The following LRRTM4 variants were observed in gnomAD, a reference collection of about 807,000 sequenced individuals.
LRRTM4 encodes the protein leucine rich repeat transmembrane neuronal 4.
In LRRTM4, 25 loss-of-function variants were observed where a neutral mutation model predicts 47.6. The observed-to-expected ratio is 0.53, with a 90% CI of 0.38 to 0.73. The LOEUF (loss-of-function observed/expected upper bound fraction) is 0.73. Ranked by LOEUF, LRRTM4 falls within the 30% of genes least tolerant of loss-of-function variation. The probability of loss-of-function intolerance (pLI) is 0.00; values close to 1 mark genes in which losing one functional copy is unlikely to be tolerated. For synonymous variants in LRRTM4, 311 were observed against 269.5 expected, an observed-to-expected ratio of 1.15 and a Z score of -1.51; for missense variants, 638 against 713.4, an observed-to-expected ratio of 0.89 and a Z score of 1.20.
At chr2:77,063,939 T>A (rs996086654) in intron 3 of LRRTM4, among the ~76,000 whole-genome samples, 35 of 152,198 alleles carry the variant, frequency 2.3e-4, no homozygotes, top group African/African-American at 8.2e-4. Context: ...GGAAGGAGAC[T>A]AAGGCTATTT....
chr2:77,018,258 G>GTTTTTT (rs1573457355), intron 3 of LRRTM4, among the ~76,000 whole-genome samples: 4 of 48,528 alleles, frequency 8.2e-5, no homozygotes, highest in African/African-American at 4.8e-4. Flanking sequence ...GCTCTTGATT[G>GTTTTTT]CTTTTTTTTT....
intron 3 of LRRTM4, among the ~76,000 whole-genome samples, chr2:77,257,319 A>T (rs1225987467): frequency 1.3e-5 from 2 of 152,090 alleles, no homozygotes; most frequent in Admixed American, 6.6e-5. Context: ...CAAAAAAAAA[A>T]CCCTCTAGAA....
chr2:77,244,068 A>G (rs1206571970), intron 3 of LRRTM4, among the ~76,000 whole-genome samples: 7 of 130,392 alleles, frequency 5.4e-5, no homozygotes, highest in Non-Finnish European at 9.6e-5. Flanking sequence ...ATGATTTCCA[A>G]TTTCATCCAT....
intron 3 of LRRTM4, among the ~76,000 whole-genome samples, chr2:76,975,320 A>C (rs1268198916): frequency 2.0e-5 from 3 of 151,840 alleles, no homozygotes; most frequent in African/African-American, 7.2e-5. Flanking sequence ...AGAAGGATTC[A>C]GCTTCACTTG....
At chr2:76,749,853 AC>A (rs1672786914) in intron 3 of LRRTM4, among the ~76,000 whole-genome samples, 2 of 152,222 alleles carry the variant, frequency 1.3e-5, no homozygotes, top group Admixed American at 1.3e-4. Flanking sequence ...CTTGCGAGTT[AC>A]AATTTGACAC....
chr2:77,388,619 T>A (rs1258757511), intron 3 of LRRTM4, among the ~76,000 whole-genome samples: 1 of 152,138 alleles, frequency 6.6e-6, no homozygotes, highest in African/African-American at 2.4e-5. Context: ...ATGTATCAAA[T>A]CATTCATAGT....
intron 3 of LRRTM4, among the ~76,000 whole-genome samples, chr2:76,808,884 T>C (rs1419410061): frequency 6.6e-6 from 1 of 152,174 alleles, no homozygotes; most frequent in South Asian, 2.1e-4. Flanking sequence ...AAAGATGTTT[T>C]CCTCCATTTC....
chr2:76,813,612 C>T (rs948351223), intron 3 of LRRTM4, among the ~76,000 whole-genome samples: 1 of 152,004 alleles, frequency 6.6e-6, no homozygotes, highest in Non-Finnish European at 1.5e-5. Flanking sequence ...TCAGACAGTA[C>T]AAAATGATGA....
At chr2:76,988,598 T>C (rs1676890688) in intron 3 of LRRTM4, among the ~76,000 whole-genome samples, 1 of 151,858 alleles carries the variant, frequency 6.6e-6, no homozygotes, top group African/African-American at 2.4e-5. Context: ...ATAAAACCTT[T>C]TAAAAGCCCC....
At chr2:76,823,733 T>C (rs1256123847) in intron 3 of LRRTM4, among the ~76,000 whole-genome samples, 1 of 151,476 alleles carries the variant, frequency 6.6e-6, no homozygotes, top group African/African-American at 2.4e-5. Context: ...TCACTGATTG[T>C]TTTAGTGATA....
intron 3 of LRRTM4, among the ~76,000 whole-genome samples, chr2:76,797,781 C>G (rs535631256): frequency 6.7e-6 from 1 of 149,816 alleles, no homozygotes; most frequent in African/African-American, 2.5e-5. Flanking sequence ...ATCTACCAAG[C>G]CAATGGAAAA....
intron 3 of LRRTM4, among the ~76,000 whole-genome samples, chr2:76,807,262 T>G (rs574095690): frequency 6.6e-6 from 1 of 151,684 alleles, no homozygotes; most frequent in East Asian, 1.9e-4. Context: ...AAGGACAAGT[T>G]AAGTGAATTG....
Position 77,396,585 on chromosome 2 carries a change from GT to G in LRRTM4, c.1551+121732del, listed in dbSNP as rs559300668. ...TGCAGTAAATTTAGTCTTTATAAAAGTTTTCCCTCATTATATCTTTCACTGA... is the reference window on the plus strand; with the variant it reads ...TGCAGTAAATTTAGTCTTTATAAAAGTTTCCCTCATTATATCTTTCACTGA... On this transcript the variant is annotated intron_variant, in intron 3 of 3. Coordinates refer to ENST00000409884, the MANE Select transcript of LRRTM4 (RefSeq NM_001134745.3). 3.2e-4 allele frequency among the ~76,000 whole-genome samples: 48 copies of G among 151,898 alleles called. 1 individual carries two copies. The East Asian group carries it at 8.2e-3, about 26-fold the overall frequency.
chr2:76,879,832 TAGG>T (rs1672878582), intron 3 of LRRTM4, among the ~76,000 whole-genome samples: 1 of 152,204 alleles, frequency 6.6e-6, no homozygotes, highest in Non-Finnish European at 1.5e-5. Context: ...TCAACATTAA[TAGG>T]AGTCTGGAAG....
chr2:77,057,057 A>G (rs1299012586), intron 3 of LRRTM4, among the ~76,000 whole-genome samples: 1 of 152,250 alleles, frequency 6.6e-6, no homozygotes, highest in Non-Finnish European at 1.5e-5. Flanking sequence ...TCACATTACA[A>G]TGACAGAGTA....
intron 3 of LRRTM4, among the ~76,000 whole-genome samples, chr2:77,420,084 G>A (rs1334727646): frequency 1.3e-5 from 2 of 152,190 alleles, no homozygotes; most frequent in East Asian, 1.9e-4. Flanking sequence ...AGCTGTGAAA[G>A]GATCTGCTTC....
chr2:77,001,310 C>T (rs1403617489), intron 3 of LRRTM4, among the ~76,000 whole-genome samples: 1 of 152,112 alleles, frequency 6.6e-6, no homozygotes, highest in Admixed American at 6.6e-5. Flanking sequence ...TTTAGGATTA[C>T]ACTTTTTTCT....
chr2:77,107,308 CA>C (rs60187855), intron 3 of LRRTM4, among the ~76,000 whole-genome samples: 68,929 of 151,808 alleles, frequency 0.45, 19,509 homozygotes, highest in African/African-American at 0.79. Context: ...TTATATATTG[CA>C]AAAAATATGC....
intron 3 of LRRTM4, among the ~76,000 whole-genome samples, chr2:77,085,618 A>G (rs1230278116): frequency 3.3e-5 from 5 of 152,164 alleles, no homozygotes; most frequent in Non-Finnish European, 5.9e-5. Flanking sequence ...AAAATACTAT[A>G]TGAAATACCA....
Sources: gnomAD v4.1 joint callset for allele counts (sites outside exome capture counted in the v4.1 genomes callset) on GRCh38, gnomAD v4.1.1 for gene constraint, MANE v1.5 for transcripts, NCBI Gene and HGNC (gene_info 2026-07-23, HGNC 2026-07-21) for gene names.